Variants in KLHL13 observed in about 807,000 individuals in gnomAD.
The protein encoded by KLHL13 is kelch-like protein 13.
In KLHL13, 10 loss-of-function variants were observed where a neutral mutation model predicts 37.1. The ratio of observed to expected loss-of-function variants is 0.27; its 90% confidence interval spans 0.17 to 0.46. KLHL13 has a LOEUF of 0.46. KLHL13 is among the 20% of genes least tolerant of loss of function. KLHL13 has a pLI of 1.00. For synonymous variants in KLHL13, 163 were observed against 181.2 expected (o/e 0.90, Z 0.81); for missense variants, 360 against 509.3 (o/e 0.71, Z 2.82).
chrX:118,094,406 A>G (rs1208176801), intron 1 of KLHL13, among the ~76,000 whole-genome samples: 3 of 111,657 alleles, frequency 2.7e-5, no homozygotes, highest in East Asian at 2.8e-4. Flanking sequence ...GACCAAATCT[A>G]CGTCTGATTG....
At chrX:117,983,235 G>C (rs1243656531) in intron 1 of KLHL13, among the ~76,000 whole-genome samples, 1 of 110,977 alleles carries the variant, frequency 9.0e-6, no homozygotes, top group Non-Finnish European at 1.9e-5. Context: ...TCACAGTGTT[G>C]TCGTGAAAAC....
upstream of KLHL13, among the ~76,000 whole-genome samples, chrX:117,976,117 AAAGT>A (rs2053595311): frequency 9.0e-6 from 1 of 111,253 alleles, no homozygotes; most frequent in South Asian, 3.8e-4. Flanking sequence ...GCATGAAAAG[AAAGT>A]AAGGCTGCCT....
intron 1 of KLHL13, among the ~76,000 whole-genome samples, chrX:118,053,848 A>AGAG (rs2054653030): frequency 3.5e-5 from 1 of 28,831 alleles, no homozygotes; most frequent in Non-Finnish European, 5.3e-5. Context: ...AGAGAGAGAG[A>AGAG]GGAGAGAGAG....
intron 4 of KLHL13, 47 bp downstream of exon 5, chrX:117,919,472 GCT>G (rs1449903345): frequency 2.0e-6 from 2 of 1,008,898 alleles, no homozygotes; most frequent in Non-Finnish European, 2.8e-6. Flanking sequence ...TCCTAAACAG[GCT>G]ACATCAGAGT....
chrX:118,046,004 T>C (rs1486862517), intron 1 of KLHL13, among the ~76,000 whole-genome samples: 2 of 111,207 alleles, frequency 1.8e-5, no homozygotes, highest in African/African-American at 6.5e-5. Flanking sequence ...AAACTAAAAA[T>C]AGAGCTACCA....
intron 3 of KLHL13, among the ~76,000 whole-genome samples, 186 bp from the exon 5 acceptor site, chrX:117,919,903 T>C (rs1931597130): frequency 9.2e-6 from 1 of 109,213 alleles, no homozygotes; most frequent in South Asian, 4.2e-4. Flanking sequence ...TCTATACTAA[T>C]GGAGGTCATA....
chrX:117,913,693 A>C (rs1931141338), intron 4 of KLHL13, among the ~76,000 whole-genome samples: 1 of 110,822 alleles, frequency 9.0e-6, no homozygotes, highest in Non-Finnish European at 1.9e-5. Flanking sequence ...AAATACAAAA[A>C]TTAGCCGGAC....
chrX:118,067,146 G>A (rs1189808509), intron 1 of KLHL13, among the ~76,000 whole-genome samples: 2 of 111,963 alleles, frequency 1.8e-5, no homozygotes, highest in Non-Finnish European at 3.8e-5. Flanking sequence ...TTGTTCACAG[G>A]CTACAAACCT....
intron 1 of KLHL13, among the ~76,000 whole-genome samples, chrX:117,957,239 T>C (rs1227776033): frequency 2.7e-5 from 3 of 111,586 alleles, no homozygotes; most frequent in Non-Finnish European, 5.6e-5. Context: ...AATTTTCACA[T>C]ACATAATGGT....
At chrX:118,095,728 T>A (rs1251143871) in intron 1 of KLHL13, among the ~76,000 whole-genome samples, 1 of 112,070 alleles carries the variant, frequency 8.9e-6, no homozygotes, top group African/African-American at 3.2e-5. Flanking sequence ...GAACTCAGGA[T>A]TAAGAAACTC....
chrX:118,019,741 A>G (rs1460184985), intron 1 of KLHL13, among the ~76,000 whole-genome samples: 1 of 108,590 alleles, frequency 9.2e-6, no homozygotes, highest in South Asian at 3.9e-4. Flanking sequence ...ACCATTTATT[A>G]AATAGGGAAT....
At chrX:117,983,543 C>T in intron 1 of KLHL13, 5 of 1,140,350 alleles carry the variant, frequency 4.4e-6, no homozygotes, top group Non-Finnish European at 4.6e-6. Flanking sequence ...TTGCCTCCGT[C>T]TCCTGAAAGT....
chrX:118,105,303 A>G (rs1209530306), intron 1 of KLHL13, among the ~76,000 whole-genome samples: 1 of 112,346 alleles, frequency 8.9e-6, no homozygotes, highest in African/African-American at 3.2e-5. Context: ...CCTCTGTCAG[A>G]GATAGCATGA....
chrX:118,096,268 A>G (rs2055205085), intron 1 of KLHL13, among the ~76,000 whole-genome samples: 1 of 111,854 alleles, frequency 8.9e-6, no homozygotes, highest in Non-Finnish European at 1.9e-5. Context: ...TCCCACAGAA[A>G]TACAAACTAC....
At chrX:118,052,935 A>T (rs2148075581) in intron 1 of KLHL13, among the ~76,000 whole-genome samples, 1 of 111,961 alleles carries the variant, frequency 8.9e-6, no homozygotes, top group Admixed American at 9.5e-5. Flanking sequence ...GCCCATAAAG[A>T]AAATAATGTT....
At chrX:117,991,227 A>T (rs1293649032) in intron 1 of KLHL13, among the ~76,000 whole-genome samples, 1 of 110,529 alleles carries the variant, frequency 9.0e-6, no homozygotes, top group Non-Finnish European at 1.9e-5. Context: ...ATAAGCCCTT[A>T]TGTGCTAGTT....
intron 4 of KLHL13, among the ~76,000 whole-genome samples, chrX:117,916,178 C>CAA (rs201725752): frequency 4.0e-4 from 40 of 100,312 alleles, no homozygotes; most frequent in Admixed American, 1.3e-3. Flanking sequence ...AACAAACAAA[C>CAA]AAAAAAAAAA....
At chrX:118,017,262 T>A (rs1184976096) in intron 1 of KLHL13, among the ~76,000 whole-genome samples, 1 of 111,658 alleles carries the variant, frequency 9.0e-6, no homozygotes, top group Non-Finnish European at 1.9e-5. Context: ...TGCTCCTTAT[T>A]ATTATAATTA....
chrX:118,085,016 C>T (rs1053538592), intron 1 of KLHL13, among the ~76,000 whole-genome samples: 5 of 109,591 alleles, frequency 4.6e-5, no homozygotes, highest in African/African-American at 1.3e-4. Flanking sequence ...GAGCAAGACT[C>T]TGTCTAAAAA....
Sources: gnomAD v4.1 joint callset for allele counts (sites outside exome capture counted in the v4.1 genomes callset) on GRCh38, gnomAD v4.1.1 for gene constraint, MANE v1.5 for transcripts, NCBI Gene and HGNC (gene_info 2026-07-23, HGNC 2026-07-21) for gene names.